Variants in INPP4B observed in about 807,000 individuals in gnomAD.
The protein encoded by INPP4B is inositol polyphosphate 4-phosphatase type II.
A neutral mutation model predicts 122.5 loss-of-function variants in INPP4B; 55 were observed. That is an observed-to-expected ratio of 0.45 (90% CI 0.36 to 0.56). The LOEUF (loss-of-function observed/expected upper bound fraction) is 0.56, where lower values mean the gene tolerates loss of function less well. Ranked by LOEUF, INPP4B falls within the 20% of genes least tolerant of loss-of-function variation. INPP4B has a pLI of 0.00. For synonymous variants in INPP4B, 403 were observed against 388.7 expected (o/e 1.04, Z -0.43); for missense variants, 1,000 against 1,097.7 (o/e 0.91, Z 1.26).
intron 2 of INPP4B, chr4:142,654,460 G>A (rs1303028556): frequency 6.7e-6 from 1 of 150,340 alleles, no homozygotes; most frequent in Non-Finnish European, 1.5e-5. Context: ...ACACTTCCTT[G>A]CAGACATAGT....
intron 2 of INPP4B, among the ~76,000 whole-genome samples, chr4:142,648,817 T>C (rs1406067640): frequency 1.3e-5 from 2 of 152,220 alleles, no homozygotes; most frequent in South Asian, 4.1e-4. Context: ...GCAACGTCCC[T>C]GTCTGACAGC....
At position 142,431,405 on chromosome 4, in the gene INPP4B, A is replaced by C. The variant is rs904666339; in HGVS notation, c.-126-20T>G. The C allele has an allele frequency of 6.4e-6, 4 of 629,782 alleles. No homozygotes were observed. The African/African-American group carries it at 7.4e-5, about 12-fold the overall frequency. The allele number at this position is 629,782 out of a possible 1,614,324, so 39.0% of individuals were successfully genotyped here. On this transcript the variant is annotated intron_variant, in intron 3 of 25. Coordinates refer to ENST00000262992, the MANE Select transcript of INPP4B (RefSeq NM_001101669.3). ...CTGTACCTAGGAAACATCAAAAGTT[A>C]AAATTTCAGTCATATTGGAGTTCAG... is the stretch of plus-strand genomic sequence containing the variant.
At chr4:142,610,743 T>C (rs564714803) in intron 2 of INPP4B, among the ~76,000 whole-genome samples, 2 of 152,260 alleles carry the variant, frequency 1.3e-5, no homozygotes, top group African/African-American at 4.8e-5. Flanking sequence ...CTTATTACCC[T>C]GAGAATATTT....
rs947443992 is a variant in INPP4B, at chr4:142,596,556, T to C, written c.-191+129283A>G. On this transcript the variant is annotated intron_variant, in intron 2 of 25. Transcript: ENST00000262992. The stretch of plus-strand genomic sequence containing the variant: ...TGTGAGAAAAGTGACTCACATTTTG[T>C]TTTAAGCCAGTATGTTTTGGTCAAT... 5.3e-5 allele frequency among the ~76,000 whole-genome samples: 8 copies of C among 152,208 alleles called. No homozygotes were observed. The South Asian group carries it at 1.0e-3, about 20-fold the overall frequency.
chr4:142,200,870 C>A (rs1840341585), intron 14 of INPP4B, among the ~76,000 whole-genome samples: 1 of 151,970 alleles, frequency 6.6e-6, no homozygotes, highest in African/African-American at 2.4e-5. Context: ...TATCTAAATT[C>A]TAGAAAGGCA....
chr4:142,168,103 G>T (rs1165781512), intron 16 of INPP4B, among the ~76,000 whole-genome samples: 4 of 150,588 alleles, frequency 2.7e-5, no homozygotes, highest in African/African-American at 9.7e-5. Context: ...TTTATTTCTT[G>T]GTTGTTTTCA....
intron 17 of INPP4B, among the ~76,000 whole-genome samples, chr4:142,158,527 C>G (rs899796676): frequency 6.6e-5 from 10 of 152,156 alleles, no homozygotes; most frequent in African/African-American, 2.4e-4. Context: ...CCGTCTTTGC[C>G]CATCATAAGA....
At chr4:142,348,638 G>A (rs895690932) in intron 7 of INPP4B, among the ~76,000 whole-genome samples, 2 of 151,998 alleles carry the variant, frequency 1.3e-5, no homozygotes, top group African/African-American at 4.8e-5. Flanking sequence ...ATAAGAGCTT[G>A]GTGACACATT....
At chr4:142,136,109 T>A (rs1287603966) in intron 18 of INPP4B, among the ~76,000 whole-genome samples, 1 of 152,160 alleles carries the variant, frequency 6.6e-6, no homozygotes, top group Admixed American at 6.5e-5. Flanking sequence ...TGCTTTTTAT[T>A]TACTCTTTTT....
At chr4:142,337,486 C>T (rs1056462832) in intron 7 of INPP4B, among the ~76,000 whole-genome samples, 2 of 151,462 alleles carry the variant, frequency 1.3e-5, no homozygotes, top group African/African-American at 4.8e-5. Flanking sequence ...TTTTTACCAA[C>T]CATTGATATG....
chr4:142,037,386 ACT>A (rs1010296043), intron 25 of INPP4B, among the ~76,000 whole-genome samples: 2 of 152,086 alleles, frequency 1.3e-5, no homozygotes, highest in African/African-American at 4.8e-5. Context: ...CATCACAGAT[ACT>A]CTCTCAAATC....
At chr4:142,753,165 C>T (rs557771421) in intron 1 of INPP4B, among the ~76,000 whole-genome samples, 1 of 152,078 alleles carries the variant, frequency 6.6e-6, no homozygotes, top group African/African-American at 2.4e-5. Context: ...TTTATAAGAC[C>T]GTTCTTACAC....
chr4:142,512,519 C>T (rs1029499533), intron 2 of INPP4B, among the ~76,000 whole-genome samples: 1 of 152,044 alleles, frequency 6.6e-6, no homozygotes, highest in African/African-American at 2.4e-5. Flanking sequence ...TTCTAAAAGA[C>T]CAAGAAAAGA....
At chr4:142,645,939 T>C (rs1580608462) in intron 2 of INPP4B, among the ~76,000 whole-genome samples, 1 of 152,196 alleles carries the variant, frequency 6.6e-6, no homozygotes, top group South Asian at 2.1e-4. Flanking sequence ...GCTGGGACTT[T>C]AATGAAAATA....
intron 1 of INPP4B, among the ~76,000 whole-genome samples, chr4:142,827,747 A>C (rs1478733735): frequency 6.6e-6 from 1 of 152,084 alleles, no homozygotes; most frequent in East Asian, 1.9e-4. Flanking sequence ...CAAATTAATC[A>C]TTTTCTGTTG....
chr4:142,835,515 A>G (rs1287107696), intron 1 of INPP4B, among the ~76,000 whole-genome samples: 1 of 152,178 alleles, frequency 6.6e-6, no homozygotes, highest in Non-Finnish European at 1.5e-5. Context: ...AAATGTCTAT[A>G]ACTAGAATAT....
At chr4:142,670,327 G>T (rs1261845520) in intron 2 of INPP4B, among the ~76,000 whole-genome samples, 4 of 152,126 alleles carry the variant, frequency 2.6e-5, no homozygotes, top group Non-Finnish European at 5.9e-5. Flanking sequence ...AGATCCCAAA[G>T]AGGTATCTAC....
intron 21 of INPP4B, 90 bp from the exon 22 acceptor site, chr4:142,112,772 G>A: frequency 7.9e-7 from 1 of 1,259,306 alleles, no homozygotes; most frequent in Non-Finnish European, 1.1e-6. Flanking sequence ...AAAAGGGTTG[G>A]AATATAGCAC....
At chr4:142,526,276 T>C (rs1826902276) in intron 2 of INPP4B, among the ~76,000 whole-genome samples, 2 of 152,050 alleles carry the variant, frequency 1.3e-5, no homozygotes, top group South Asian at 2.1e-4. Flanking sequence ...TTGTATCCAA[T>C]AGGTGTAAAA....
Sources: gnomAD v4.1 joint callset for allele counts (sites outside exome capture counted in the v4.1 genomes callset) on GRCh38, gnomAD v4.1.1 for gene constraint, MANE v1.5 for transcripts, NCBI Gene and HGNC (gene_info 2026-07-23, HGNC 2026-07-21) for gene names.